The following ZFR variants were observed in gnomAD, a reference collection of about 807,000 sequenced individuals.
ZFR encodes the protein zinc finger RNA-binding protein.
Under a neutral mutation model 130.7 loss-of-function variants are expected in ZFR, and 19 were observed. The ratio of observed to expected loss-of-function variants is 0.15; its 90% CI spans 0.10 to 0.21. The LOEUF (loss-of-function observed/expected upper bound fraction) is 0.21, where lower values mean the gene tolerates loss of function less well. ZFR is among the 10% of genes least tolerant of loss of function. The pLI is 1.00. For missense variants in ZFR, 872 were observed against 1,321.5 expected (o/e 0.66, Z 5.27); for synonymous variants, 466 against 456.9 (o/e 1.02, Z -0.25).
chr5:32,439,619 T>C (rs1269322795), intron 2 of ZFR, among the ~76,000 whole-genome samples: 1 of 151,930 alleles, frequency 6.6e-6, no homozygotes, highest in African/African-American at 2.4e-5. Context: ...TTTTCTAAAG[T>C]ATAAATAAAG....
intron 9 of ZFR, 58 bp downstream of exon 9, chr5:32,399,949 G>A (rs1333771458): frequency 1.1e-5 from 16 of 1,415,416 alleles, no homozygotes; most frequent in South Asian, 1.5e-5. Context: ...ACATATGCTC[G>A]TAATGCACTT....
intron 17 of ZFR, 187 bp from the exon 18 acceptor site, chr5:32,364,462 G>A (rs1752497875): frequency 2.9e-6 from 1 of 340,658 alleles, no homozygotes; most frequent in Admixed American, 4.4e-5. Context: ...GCCGGGCACA[G>A]TGGCTCACGT....
Position 32,438,251 on chromosome 5 carries a change from AAATTTTTTTTT to A in ZFR, c.137+5967_137+5977del, listed in dbSNP as rs987655004. ...CAAGAATGCTACTGATTTTATCTGA[AAATTTTTTTTT>A]TTTTTTTTTTTTTTTTTTGAGACGG... is the stretch of plus-strand genomic sequence containing the variant. On this transcript the variant is annotated intron_variant, in intron 2 of 19. Transcript: ENST00000265069. Among the ~76,000 whole-genome samples the A allele has an allele frequency of 2.3e-4, 8 of 34,662 alleles. 1 individual carries two copies. The South Asian group carries it at 4.4e-3, about 19-fold the overall frequency. The allele number at this position is 34,662 out of a possible 152,430, so 22.7% of individuals were successfully genotyped here. A position where few individuals can be genotyped will look rare whatever the true frequency, so the allele number is the denominator to read the frequency against.
intron 12 of ZFR, among the ~76,000 whole-genome samples, chr5:32,389,483 C>A (rs1187111751): frequency 1.3e-5 from 2 of 152,134 alleles, no homozygotes; most frequent in Admixed American, 1.3e-4. Context: ...TGCACCCAGA[C>A]CAGTAAGAAT....
At chr5:32,370,874 T>C (rs1415105861) in intron 17 of ZFR, among the ~76,000 whole-genome samples, 2 of 152,216 alleles carry the variant, frequency 1.3e-5, no homozygotes, top group East Asian at 1.9e-4. Flanking sequence ...TCAATCCTCA[T>C]TGCAGTGGCA....
chr5:32,444,177 C>T, intron 2 of ZFR, 52 bp downstream of exon 2: 2 of 1,568,292 alleles, frequency 1.3e-6, no homozygotes, highest in Non-Finnish European at 8.6e-7. Context: ...CGACAGGATC[C>T]GGACCGAGGG....
At chr5:32,370,295 T>C (rs942623009) in intron 17 of ZFR, among the ~76,000 whole-genome samples, 1 of 138,056 alleles carries the variant, frequency 7.2e-6, no homozygotes, top group African/African-American at 2.8e-5. Context: ...TATAATAACA[T>C]TGTGTGTTGT....
intron 8 of ZFR, 149 bp from the exon 9 acceptor site, chr5:32,400,352 A>G (rs1050782544): frequency 1.7e-6 from 1 of 576,972 alleles, no homozygotes; most frequent in East Asian, 3.3e-5. Context: ...AGAACTACAT[A>G]AACTACTTGG....
Position 32,444,209 on chromosome 5 carries a change from A to G in ZFR, c.137+20T>C. On this transcript the variant is annotated intron_variant, in intron 2 of 19. Coordinates refer to ENST00000265069, the MANE Select transcript of ZFR (RefSeq NM_016107.5). ...AGGGGAGAGCAAGGGGCGAACAGAG[A>G]GAAGGCAGGATGCCGTTACCTATAT... 1.9e-6 allele frequency: 3 copies of G among 1,595,180 alleles called. No homozygotes were observed. Among genetic ancestry groups the G allele is most frequent in the Non-Finnish European group, 2.6e-6 (3 of 1,172,470 alleles).
intron 15 of ZFR, among the ~76,000 whole-genome samples, chr5:32,382,909 C>G (rs1389453413): frequency 6.6e-6 from 1 of 151,956 alleles, no homozygotes; most frequent in Non-Finnish European, 1.5e-5. Context: ...ATACTTGTTG[C>G]CTAACACCCA....
intron 2 of ZFR, among the ~76,000 whole-genome samples, chr5:32,432,204 G>C (rs1473283050): frequency 1.3e-5 from 2 of 152,142 alleles, no homozygotes; most frequent in African/African-American, 4.8e-5. Context: ...TGGGGATGTT[G>C]AGGGTACAGT....
intron 4 of ZFR, among the ~76,000 whole-genome samples, chr5:32,416,914 CTTTTTT>C (rs57923621): frequency 3.4e-5 from 5 of 146,284 alleles, no homozygotes; most frequent in Non-Finnish European, 7.5e-5. Context: ...CATTTTTTTT[CTTTTTT>C]TTTTTATTAT....
At chr5:32,418,896 T>C (rs1753891000) in intron 3 of ZFR, among the ~76,000 whole-genome samples, 1 of 152,164 alleles carries the variant, frequency 6.6e-6, no homozygotes, top group South Asian at 2.1e-4. Flanking sequence ...AGTAGTAATC[T>C]AGCACTGTTT....
chr5:32,364,026 A>G lies in ZFR; in HGVS notation c.2967T>C (p.Asp989=), dbSNP rs200215101. 73 of 1,614,112 alleles carry G rather than the reference A, an allele frequency of 4.5e-5. No homozygotes were observed. The African/African-American group carries it at 8.7e-4, about 19-fold the overall frequency. ...TATCAAAGGGATCCTTTTCACAAGG[A>G]TCCAGAAGTCCAGGACTACCTACAG... ...IILKGSPGLL[D]PCEKDPFDTL... is the part of the protein sequence containing the mutation. The change falls in exon 19 of 20, where the codon GAT becomes GAC. Residue 989 remains aspartate, a synonymous_variant. Transcript: ENST00000265069.
At chr5:32,367,868 GA>G (rs1199624472) in intron 17 of ZFR, among the ~76,000 whole-genome samples, 3 of 151,526 alleles carry the variant, frequency 2.0e-5, no homozygotes, top group African/African-American at 2.4e-5. Context: ...ATTCAAGATG[GA>G]AAAAAAATCC....
At chr5:32,379,328 C>A (rs1049934847) in intron 16 of ZFR, 118 bp from the exon 17 acceptor site, 2 of 866,294 alleles carry the variant, frequency 2.3e-6, no homozygotes, top group African/African-American at 1.7e-5. Context: ...CAAAAACAAT[C>A]ACACTTAAAA....
At chr5:32,411,979 T>C (rs1016425976) in intron 5 of ZFR, among the ~76,000 whole-genome samples, 10 of 152,010 alleles carry the variant, frequency 6.6e-5, no homozygotes, top group African/African-American at 1.9e-4. Context: ...AGTAAGTTCA[T>C]AGTAATAACA....
chr5:32,425,003 G>C (rs1754042932), intron 2 of ZFR, among the ~76,000 whole-genome samples: 1 of 152,142 alleles, frequency 6.6e-6, no homozygotes, highest in Non-Finnish European at 1.5e-5. Flanking sequence ...ACTAGAAATG[G>C]AGTATACTCT....
intron 2 of ZFR, among the ~76,000 whole-genome samples, chr5:32,440,957 C>G (rs1423394674): frequency 6.6e-6 from 1 of 151,992 alleles, no homozygotes; most frequent in African/African-American, 2.4e-5. Flanking sequence ...ATCAAGAAAA[C>G]TAAGAGCTGG....
Sources: allele counts gnomAD v4.1 joint callset (sites outside exome capture counted in the v4.1 genomes callset), GRCh38; gene constraint gnomAD v4.1.1; transcripts MANE v1.5; gene names NCBI Gene and HGNC (gene_info 2026-07-23, HGNC 2026-07-21).